Variants in TRA2A observed in about 807,000 individuals in gnomAD.
TRA2A encodes the protein transformer 2 alpha homolog, also known as transformer-2 protein homolog alpha.
Under a neutral mutation model 45.7 loss-of-function variants are expected in TRA2A, and 31 were observed. That is an observed-to-expected ratio of 0.68 (90% confidence interval 0.51 to 0.92). TRA2A has a LOEUF of 0.92. Among genes scored for constraint, TRA2A ranks in the 40% least tolerant of loss-of-function variants. TRA2A has a pLI of 0.00. For missense variants in TRA2A, 304 were observed against 367.5 expected, an observed-to-expected ratio of 0.83 and a Z score of 1.41; for synonymous variants, 132 against 126.2, an observed-to-expected ratio of 1.05 and a Z score of -0.31.
At chr7:23,515,074 T>C (rs897031794) in intron 3 of TRA2A, among the ~76,000 whole-genome samples, 4 of 152,188 alleles carry the variant, frequency 2.6e-5, no homozygotes, top group African/African-American at 9.6e-5. Flanking sequence ...TGTTAAAAGC[T>C]TTAAGTGTAC....
At chr7:23,525,323 T>G (rs533783861) in intron 1 of TRA2A, among the ~76,000 whole-genome samples, 13 of 152,328 alleles carry the variant, frequency 8.5e-5, no homozygotes, top group African/African-American at 3.1e-4. Context: ...CAAAAAAGAT[T>G]GCTGGGAATG....
At chr7:23,531,155 A>G in intron 1 of TRA2A, 1 of 945,574 alleles carries the variant, frequency 1.1e-6, no homozygotes, top group Non-Finnish European at 1.3e-6. Flanking sequence ...AAGAACGCTT[A>G]AGGGTCGGTG....
chr7:23,530,365 A>C (rs952867972), intron 1 of TRA2A, among the ~76,000 whole-genome samples: 1 of 152,214 alleles, frequency 6.6e-6, no homozygotes, highest in African/African-American at 2.4e-5. Flanking sequence ...TATTGCTTTA[A>C]ATCTTTCCTC....
rs541735655 is a variant in TRA2A at position 23,508,569 on chromosome 7, A to G, written c.526-1034T>C. 8.5e-5 allele frequency among the ~76,000 whole-genome samples: 13 copies of G among 152,290 alleles called. No individual in the cohort carries two copies. The East Asian group carries it at 2.3e-3, about 27-fold the overall frequency. ...GAGTGCAATGGCGTGACCTCGGTTC[A>G]CTGCAGCCTCTGCCTCCCAGGTTCA... On this transcript the variant is annotated intron_variant, in intron 4 of 7. Transcript: ENST00000297071.
chr7:23,524,854 G>C (rs923486487), intron 1 of TRA2A, among the ~76,000 whole-genome samples: 13 of 151,800 alleles, frequency 8.6e-5, no homozygotes, highest in African/African-American at 3.1e-4. Flanking sequence ...ATCACACCCA[G>C]CTAATTTTTG....
rs753218454 is a variant in TRA2A, at chr7:23,516,440, A to T, written c.259T>A (p.Tyr87Asn). ...SHRRRSRSRS[Y>N]TPEYRRRRSR... ...CTTCGCCGCCGGTATTCTGGTGTATATGATCTACTTCGAGATCGTCTCCTA... is the reference window on the plus strand; with the variant it reads ...CTTCGCCGCCGGTATTCTGGTGTATTTGATCTACTTCGAGATCGTCTCCTA... The change falls in exon 3 of 8, where the codon TAT becomes AAT. Residue 87 changes from tyrosine (Y) to asparagine (N), a missense_variant. Tyr to Asn is a moderately radical substitution (Grantham distance 143). Coordinates refer to ENST00000297071, the MANE Select transcript of TRA2A (RefSeq NM_013293.5). 1.9e-6 allele frequency: 3 copies of T among 1,614,134 alleles called. No individual in the cohort carries two copies. The highest frequency in any genetic ancestry group is 8.5e-7 in the Non-Finnish European group (1 of 1,180,046).
chr7:23,531,196 G>GT, intron 1 of TRA2A: 1 of 986,146 alleles, frequency 1.0e-6, no homozygotes, highest in South Asian at 4.6e-5. Context: ...CATTAGGCTC[G>GT]TCCCACCTTC....
At chr7:23,523,364 T>G (rs1322601260) in intron 1 of TRA2A, among the ~76,000 whole-genome samples, 1 of 152,214 alleles carries the variant, frequency 6.6e-6, no homozygotes, top group Non-Finnish European at 1.5e-5. Context: ...TTTTTTTAAC[T>G]GCACAGATAT....
chr7:23,516,561 G>C, intron 2 of TRA2A, 33 bp from the exon 3 acceptor site: 1 of 1,602,340 alleles, frequency 6.2e-7, no homozygotes, highest in Non-Finnish European at 8.5e-7. Flanking sequence ...TAAAAATACT[G>C]AAACAAAATG....
At chr7:23,530,077 T>C (rs1036877347) in intron 1 of TRA2A, among the ~76,000 whole-genome samples, 1 of 152,160 alleles carries the variant, frequency 6.6e-6, no homozygotes, top group Non-Finnish European at 1.5e-5. Context: ...CCCCCAATTT[T>C]TTAACAATGA....
At chr7:23,531,331 CCGGAAAGCAGCCCCGCG>C in intron 1 of TRA2A, 1 of 852,556 alleles carries the variant, frequency 1.2e-6, no homozygotes, top group Non-Finnish European at 1.4e-6. Flanking sequence ...TTCTCCCCGC[CCGGAAAGCAGCCCCGCG>C]CACTTTCGAT....
intron 4 of TRA2A, among the ~76,000 whole-genome samples, chr7:23,511,462 C>G (rs1789617052): frequency 6.8e-6 from 1 of 146,332 alleles, no homozygotes; most frequent in Non-Finnish European, 1.5e-5. Flanking sequence ...AATAAAACTT[C>G]CAGATATATA....
intron 4 of TRA2A, among the ~76,000 whole-genome samples, chr7:23,511,121 C>T (rs1032875538): frequency 6.6e-6 from 1 of 151,852 alleles, no homozygotes; most frequent in African/African-American, 2.4e-5. Context: ...CCTGTAATTC[C>T]AACACCTTGG....
At chr7:23,511,455 A>T (rs1157224982) in intron 4 of TRA2A, among the ~76,000 whole-genome samples, 2 of 150,334 alleles carry the variant, frequency 1.3e-5, no homozygotes, top group East Asian at 3.9e-4. Flanking sequence ...AAGGTCTAAT[A>T]AAACTTCCAG....
chr7:23,518,681 T>G lies in TRA2A; in HGVS notation c.171-2153A>C, dbSNP rs757643899. ...TTCTGAGTCTTCATTTCTTGTTTTTTTTTTTTTTTCCCCCTTCTTGAGACA... is the reference window on the plus strand; with the variant it reads ...TTCTGAGTCTTCATTTCTTGTTTTTGTTTTTTTTTCCCCCTTCTTGAGACA... On this transcript the variant is annotated intron_variant, in intron 2 of 7. Coordinates refer to ENST00000297071, the MANE Select transcript of TRA2A (RefSeq NM_013293.5). 5.5e-3 allele frequency among the ~76,000 whole-genome samples: 824 copies of G among 150,922 alleles called. 2 individuals carry two copies. Among genetic ancestry groups the G allele is most frequent in the Middle Eastern group, 0.031 (9 of 292 alleles).
At position 23,515,571 on chromosome 7, in the gene TRA2A, C is replaced by T. The variant is rs563500665; in HGVS notation, c.336+792G>A. The stretch of plus-strand genomic sequence containing the variant: ...CTTTTCTTTTTTTGAGACAGAGTCT[C>T]GCTCTGTCTCCCAGGCCAGTCTGGA... On this transcript the variant is annotated intron_variant, in intron 3 of 7. Coordinates refer to ENST00000297071, the MANE Select transcript of TRA2A (RefSeq NM_013293.5). Among the ~76,000 whole-genome samples the T allele has an allele frequency of 1.1e-3, 167 of 149,674 alleles. 2 individuals carry two copies. Among genetic ancestry groups the T allele is most frequent in the African/African-American group, 3.9e-3 (157 of 40,692 alleles).
intron 1 of TRA2A, among the ~76,000 whole-genome samples, chr7:23,527,293 G>A (rs1213462594): frequency 1.3e-5 from 2 of 152,072 alleles, no homozygotes; most frequent in Non-Finnish European, 2.9e-5. Context: ...ATATATATAA[G>A]TAACTTAAAA....
chr7:23,516,315 C>T (rs765147814), intron 3 of TRA2A, 48 bp downstream of exon 3: 1 of 1,599,662 alleles, frequency 6.3e-7, no homozygotes, highest in South Asian at 1.1e-5. Flanking sequence ...CATGACTAAA[C>T]ACATAAAAGA....
intron 1 of TRA2A, chr7:23,531,100 G>A: frequency 2.4e-6 from 1 of 408,554 alleles, no homozygotes; most frequent in Non-Finnish European, 3.3e-6. Context: ...GGGACATTAA[G>A]GGAAAAGGGC....
Sources: gnomAD v4.1 joint callset for allele counts (sites outside exome capture counted in the v4.1 genomes callset) on GRCh38, gnomAD v4.1.1 for gene constraint, MANE v1.5 for transcripts, NCBI Gene and HGNC (gene_info 2026-07-23, HGNC 2026-07-21) for gene names.